The following C19orf53 variants were observed in gnomAD, a reference collection of about 807,000 sequenced individuals.
C19orf53 encodes leydig cell tumor 10 kDa protein homolog.
C19orf53 carries 9 observed loss-of-function variants against 6.5 expected under a neutral mutation model. The ratio of observed to expected loss-of-function variants is 1.38; its 90% confidence interval spans 0.83 to 2.40. The LOEUF is 2.40. C19orf53 is among the 30% of genes most tolerant of loss of function. The pLI is 0.00. For missense variants in C19orf53, 166 were observed against 129.7 expected (o/e 1.28, Z -1.36); for synonymous variants, 68 against 52.5 (o/e 1.29, Z -1.27).
At chr19:13,774,857 A>G in intron 2 of C19orf53, 150 bp downstream of exon 2, 1 of 1,084,784 alleles carries the variant, frequency 9.2e-7, no homozygotes. Context: ...GGATAGAGCC[A>G]GGGGCCGCGT....
rs754146662 is a variant in C19orf53, at chr19:13,774,663, G to T, written c.109G>T (p.Ala37Ser). Residue 37 changes from alanine to serine, a missense_variant, in exon 2 of 3, where the codon GCT becomes TCT. Physicochemically the swap from Ala to Ser is moderately conservative, Grantham distance 99. Coordinates refer to ENST00000588234, the MANE Select transcript of C19orf53 (RefSeq NM_014047.3). ...RGPRKGGRVI[A>S]PKKARVVQQQ... ...ACATCTTTCCCCAGGTCGTGTTATC[G>T]CTCCCAAGAAGGCGCGCGTCGTGCA... The T allele has an allele frequency of 7.8e-5, 126 of 1,609,750 alleles. No homozygotes were observed. The highest frequency in any genetic ancestry group is 9.9e-5 in the Non-Finnish European group (117 of 1,176,410).
In C19orf53 at chr19:13,778,187, A is replaced by T. The variant is rs774280923; in HGVS notation, c.289A>T (p.Thr97Ser). 1 of 1,604,520 alleles carries T rather than the reference A, an allele frequency of 6.2e-7. No homozygotes were observed. The highest frequency in any genetic ancestry group is 8.5e-7 in the Non-Finnish European group (1 of 1,174,094). ...KGAAAATSSK[T>S]PS ...GGCAGCTGCCGCCACCTCCTCCAAG[A>T]CACCTTCCTGAGGACGCTGGCCCCA... Residue 97 changes from threonine (T) to serine (S), a missense_variant, in exon 3 of 3, where the codon ACA (threonine) becomes TCA (serine). Coordinates refer to ENST00000588234, the MANE Select transcript of C19orf53 (RefSeq NM_014047.3).
chr19:13,777,278 C>T lies in C19orf53; in HGVS notation c.154-774C>T, dbSNP rs993498570. Among the ~76,000 whole-genome samples, 14 of 151,798 alleles carry T rather than the reference C, an allele frequency of 9.2e-5. No homozygotes were observed. In the East Asian group the frequency reaches 1.2e-3, roughly 13 times the overall value. The stretch of plus-strand genomic sequence containing the variant: ...TTTTTTTTTCTTTGAGACGGTCTCA[C>T]GCTGTCCCCCAGGCTGCAGTGTAGT... On this transcript the variant is annotated intron_variant, in intron 2 of 2. Transcript: ENST00000588234.
chr19:13,774,932 G>C (rs868167721), intron 2 of C19orf53: 5 of 611,260 alleles, frequency 8.2e-6, no homozygotes, highest in African/African-American at 5.5e-5. Context: ...CGAGGGATAG[G>C]GGCTGGGGGA....
Position 13,778,115 on chromosome 19 carries a change from C to A in C19orf53, c.217C>A (p.Leu73Met). Residue 73 changes from leucine (L) to methionine (M), a missense_variant, in exon 3 of 3, where the codon CTG (leucine) becomes ATG (methionine). Leu to Met is a conservative substitution (Grantham distance 15, BLOSUM62 2). Coordinates refer to ENST00000588234, the MANE Select transcript of C19orf53 (RefSeq NM_014047.3). ...HDVVMKASSS[L>M]PKKLALLKAP... is the part of the protein sequence containing the mutation. The stretch of plus-strand genomic sequence containing the variant: ...CGTGGTGATGAAAGCCAGCAGCAGC[C>A]TGCCCAAGAAGCTGGCACTGCTGAA... The A allele has an allele frequency of 6.2e-7, 1 of 1,613,416 alleles. No homozygotes were observed. Among genetic ancestry groups the A allele is most frequent in the Non-Finnish European group, 8.5e-7 (1 of 1,179,576 alleles).
intron 2 of C19orf53, among the ~76,000 whole-genome samples, chr19:13,776,161 G>A (rs913867674): frequency 1.0e-5 from 1 of 97,714 alleles, no homozygotes; most frequent in Non-Finnish European, 2.1e-5. Context: ...TGTAATTTTA[G>A]TAGAGATGGG....
intron 2 of C19orf53, among the ~76,000 whole-genome samples, chr19:13,776,841 T>G (rs1974376622): frequency 1.3e-5 from 2 of 152,228 alleles, no homozygotes; most frequent in Admixed American, 1.3e-4. Flanking sequence ...ACGCTACTGA[T>G]GCTTATATTG....
In C19orf53 at chr19:13,778,229, C is replaced by G; in HGVS notation, c.*31C>G. 1 of 1,548,798 alleles carries G rather than the reference C, an allele frequency of 6.5e-7. No individual in the cohort carries two copies. The highest frequency in any genetic ancestry group is 8.7e-7 in the Non-Finnish European group (1 of 1,144,318). On this transcript the variant is annotated 3_prime_UTR_variant, in exon 3 of 3. Coordinates refer to ENST00000588234, the MANE Select transcript of C19orf53 (RefSeq NM_014047.3). ...CTGGCCCCAGTGCAGGCCAACATCC[C>G]ACCCCCTACCTCCATATGGGACCTT... is the stretch of plus-strand genomic sequence containing the variant.
At chr19:13,776,438 A>AT (rs1438229075) in intron 2 of C19orf53, among the ~76,000 whole-genome samples, 1 of 151,754 alleles carries the variant, frequency 6.6e-6, no homozygotes, top group Admixed American at 6.6e-5. Context: ...GAGGGTGCCC[A>AT]TGAGCACCTG....
Position 13,774,515 on chromosome 19 carries a change from C to T in C19orf53, c.38C>T (p.Pro13Leu), listed in dbSNP as rs757985678. Reference protein sequence around the residue: ...QGQRKFQAHKPAKSKTAAAAS... With the variant: ...QGQRKFQAHKLAKSKTAAAAS... ...CAGCGCAAGTTTCAGGCGCACAAAC[C>T]CGCAAAGAGTAAGACGGCAGCGGCA... The change falls in exon 1 of 3, where the codon CCC becomes CTC. Residue 13 changes from proline to leucine, a missense_variant. Physicochemically the swap from Pro to Leu is moderately conservative, Grantham distance 98. Coordinates refer to ENST00000588234, the MANE Select transcript of C19orf53 (RefSeq NM_014047.3). 1.9e-6 allele frequency: 3 copies of T among 1,613,550 alleles called. No homozygotes were observed. Among genetic ancestry groups the T allele is most frequent in the East Asian group, 2.2e-5 (1 of 44,864 alleles).
In C19orf53 at chr19:13,778,697, A is replaced by C. The variant is rs10416998; in HGVS notation, c.*499A>C. Among the ~76,000 whole-genome samples, 4,145 of 152,298 alleles carry C rather than the reference A, an allele frequency of 0.027. 177 individuals are homozygous for C. The highest frequency in any genetic ancestry group is 0.094 in the African/African-American group (3,924 of 41,538). On this transcript the variant is annotated 3_prime_UTR_variant, in exon 3 of 3. Coordinates refer to ENST00000588234, the MANE Select transcript of C19orf53 (RefSeq NM_014047.3). ...TCCTCACCCCTGGGGACACAACCAG[A>C]GTCAAGCTGGACATCAGTAGGTCAG...
chr19:13,778,363 C>T lies in C19orf53; in HGVS notation c.*165C>T. 1 of 789,914 alleles carries T rather than the reference C, an allele frequency of 1.3e-6. No individual in the cohort carries two copies. Among genetic ancestry groups the T allele is most frequent in the Admixed American group, 3.4e-5 (1 of 29,050 alleles). The allele number at this position is 789,914 out of a possible 1,614,324, so 48.9% of individuals were successfully genotyped here. The stretch of plus-strand genomic sequence containing the variant: ...AAGGGTGCTGAGAACCCAGCAATGA[C>T]CAGGAAGATACAGTCACTAACTTCA... On this transcript the variant is annotated 3_prime_UTR_variant, in exon 3 of 3. Coordinates refer to ENST00000588234, the MANE Select transcript of C19orf53 (RefSeq NM_014047.3).
Position 13,774,584 on chromosome 19 carries a change from G to A in C19orf53, c.97+10G>A, listed in dbSNP as rs552908705. 2.5e-6 allele frequency: 4 copies of A among 1,614,054 alleles called. No homozygotes were observed. In the South Asian group the frequency reaches 4.4e-5, roughly 18 times the overall value. On this transcript the variant is annotated intron_variant, in intron 1 of 2. Transcript: ENST00000588234. The stretch of plus-strand genomic sequence containing the variant: ...GGCCCAAGAAAAGGCGGTAAGGAGC[G>A]GCCCGGGGACTTGGGGGCGAGGTGG...
intron 2 of C19orf53, 126 bp from the exon 3 acceptor site, chr19:13,777,926 C>A: frequency 8.2e-7 from 1 of 1,218,282 alleles, no homozygotes; most frequent in Non-Finnish European, 1.1e-6. Flanking sequence ...GACCCACAGT[C>A]AGGTGCGGTT....
intron 2 of C19orf53, among the ~76,000 whole-genome samples, chr19:13,777,368 G>A (rs1310898490): frequency 6.6e-6 from 1 of 152,030 alleles, no homozygotes; most frequent in Non-Finnish European, 1.5e-5. Flanking sequence ...GCTGAGACGA[G>A]AGGCACGCAC....
chr19:13,775,987 C>T (rs926536719), intron 2 of C19orf53, among the ~76,000 whole-genome samples: 5 of 151,858 alleles, frequency 3.3e-5, no homozygotes, highest in African/African-American at 4.8e-5. Flanking sequence ...GATGGAGTCT[C>T]GCTCTGTCGC....
At chr19:13,775,115 C>G (rs577233712) in intron 2 of C19orf53, among the ~76,000 whole-genome samples, 1 of 152,162 alleles carries the variant, frequency 6.6e-6, no homozygotes, top group Non-Finnish European at 1.5e-5. Context: ...CTCGTAGAAG[C>G]AAGACCTGCG....
intron 2 of C19orf53, 32 bp from the exon 3 acceptor site, chr19:13,778,020 C>G (rs775422239): frequency 6.3e-7 from 1 of 1,584,436 alleles, no homozygotes. Context: ...AGCCCCAGGT[C>G]ACAATCTGAC....
chr19:13,774,742 G>A (rs954833984), intron 2 of C19orf53, 35 bp downstream of exon 2: 9 of 1,574,430 alleles, frequency 5.7e-6, no homozygotes, highest in Admixed American at 5.3e-5. Context: ...CCGGAGGGCG[G>A]CGAGTAGCGA....
Sources: gnomAD v4.1 joint callset for allele counts (sites outside exome capture counted in the v4.1 genomes callset) on GRCh38, gnomAD v4.1.1 for gene constraint, MANE v1.5 for transcripts, NCBI Gene and HGNC (gene_info 2026-07-23, HGNC 2026-07-21) for gene names.